Variants in PHLDB2 observed in about 807,000 individuals in gnomAD.
PHLDB2 encodes the protein pleckstrin homology like domain family B member 2.
In PHLDB2, 71 loss-of-function variants were observed where a neutral mutation model predicts 123.6. The observed-to-expected ratio is 0.57, with a 90% CI of 0.47 to 0.70. The LOEUF (loss-of-function observed/expected upper bound fraction) is 0.70. PHLDB2 is among the 30% of genes least tolerant of loss of function. The probability of loss-of-function intolerance (pLI) is 0.00; values close to 1 mark genes in which losing one functional copy is unlikely to be tolerated. For missense variants in PHLDB2, 1,446 were observed against 1,519.5 expected, an observed-to-expected ratio of 0.95 and a Z score of 0.80; for synonymous variants, 547 against 541.6, an observed-to-expected ratio of 1.01 and a Z score of -0.14.
Position 111,884,800 on chromosome 3 carries a change from C to A in PHLDB2, c.723C>A (p.Tyr241Ter). The A allele has an allele frequency of 1.9e-6, 3 of 1,614,078 alleles. No homozygotes were observed. Among genetic ancestry groups the A allele is most frequent in the Non-Finnish European group, 2.5e-6 (3 of 1,180,002 alleles). The change falls in exon 2 of 18, where the codon TAC becomes TAA. Residue 241 changes from tyrosine (Y) to a stop codon, truncating the protein, a stop_gained. Transcript: ENST00000431670. LOFTEE classifies it high-confidence loss of function. Reference sequence around the variant, plus strand: ...ACATCAATTTGAGAACTAGGAAGTACTCCAGCAGCAGCCTGAGTCACATGG... The same window carrying A: ...ACATCAATTTGAGAACTAGGAAGTAATCCAGCAGCAGCCTGAGTCACATGG... ...SENINLRTRKYSSSSLSHMGA... is the reference protein window; with the variant it reads ...SENINLRTRK
intron 1 of PHLDB2, among the ~76,000 whole-genome samples, chr3:111,737,327 G>T (rs13317985): frequency 0.18 from 26,906 of 152,054 alleles, 2,528 homozygotes; most frequent in Admixed American, 0.2. Flanking sequence ...TTTGGTGTTA[G>T]TGTGCATCCT....
intron 1 of PHLDB2, among the ~76,000 whole-genome samples, chr3:111,879,411 G>A (rs1163328470): frequency 1.3e-5 from 2 of 152,102 alleles, no homozygotes; most frequent in African/African-American, 4.8e-5. Flanking sequence ...TGAAAGTATA[G>A]TCTTATATTT....
intron 1 of PHLDB2, among the ~76,000 whole-genome samples, chr3:111,875,124 A>G (rs1410002215): frequency 6.6e-6 from 1 of 152,184 alleles, no homozygotes; most frequent in African/African-American, 2.4e-5. Context: ...TGCAGTCTTC[A>G]ATATTTATAT....
rs55904095 is a variant in PHLDB2, at chr3:111,825,378, G to A, written c.-48-20443G>A. On this transcript the variant is annotated intron_variant, in intron 1 of 17. Coordinates refer to the PHLDB2 transcript ENST00000393923. ...CTCATCTTCTTGAAGACAGATGTAG[G>A]AAAATCATATTGACCATGCTTACAG... Among the ~76,000 whole-genome samples, 1,417 of 152,276 alleles carry A rather than the reference G, an allele frequency of 9.3e-3. 19 individuals carry two copies. The highest frequency in any genetic ancestry group is 0.015 in the Non-Finnish European group (1,043 of 68,026).
upstream of PHLDB2, among the ~76,000 whole-genome samples, chr3:111,855,420 C>T (rs201457344): frequency 1.4e-5 from 2 of 140,436 alleles, no homozygotes; most frequent in East Asian, 2.3e-4. Flanking sequence ...TTCCTTCCTT[C>T]CTTTCTTTCT....
At position 111,975,725 on chromosome 3, in the gene PHLDB2, T is replaced by A. The variant is rs961677972; in HGVS notation, c.*1162T>A. 1 of 152,670 alleles carries A rather than the reference T, an allele frequency of 6.6e-6. No homozygotes were observed. The highest frequency in any genetic ancestry group is 6.5e-5 in the Admixed American group (1 of 15,292). The allele number at this position is 152,670 out of a possible 1,614,324, so 9.5% of individuals were successfully genotyped here. ...AGGCAAGTCTCTTTTATAATGGTTT[T>A]TCAAGTGCCATTTATTCTAGTTTAT... On this transcript the variant is annotated 3_prime_UTR_variant, in exon 18 of 18. Coordinates refer to ENST00000431670, the MANE Select transcript of PHLDB2 (RefSeq NM_001134438.2).
At chr3:111,770,213 A>G (rs1334437257) in intron 1 of PHLDB2, among the ~76,000 whole-genome samples, 1 of 152,036 alleles carries the variant, frequency 6.6e-6, no homozygotes, top group Non-Finnish European at 1.5e-5. Context: ...TCATCAATGT[A>G]TTTTTTCCAG....
intron 1 of PHLDB2, among the ~76,000 whole-genome samples, chr3:111,877,643 T>G (rs2065702062): frequency 6.6e-6 from 1 of 152,232 alleles, no homozygotes; most frequent in African/African-American, 2.4e-5. Flanking sequence ...TCTTTGCCCA[T>G]GCCTATTTCC....
chr3:111,900,621 C>T (rs2067141482), intron 2 of PHLDB2, among the ~76,000 whole-genome samples: 1 of 152,098 alleles, frequency 6.6e-6, no homozygotes, highest in African/African-American at 2.4e-5. Context: ...TGTCAAAGAT[C>T]ACTGATCAGA....
At chr3:111,901,536 G>A (rs557574130) in intron 2 of PHLDB2, among the ~76,000 whole-genome samples, 3,581 of 150,282 alleles carry the variant, frequency 0.024, 61 homozygotes, top group Non-Finnish European at 0.032. Flanking sequence ...ATTTTTTAAA[G>A]GATAGGATAT....
chr3:111,761,469 C>T (rs554746544), intron 1 of PHLDB2, among the ~76,000 whole-genome samples: 2 of 152,266 alleles, frequency 1.3e-5, no homozygotes, highest in South Asian at 2.1e-4. Flanking sequence ...CAAGATGGGA[C>T]GTGAACAAAT....
chr3:111,831,030 A>AAAGAAAGAAAGGAAGG (rs1559855366), intron 1 of PHLDB2, among the ~76,000 whole-genome samples: 1 of 72,010 alleles, frequency 1.4e-5, no homozygotes, highest in Non-Finnish European at 2.9e-5. Flanking sequence ...AGAAAGAAAG[A>AAAGAAAGAAAGGAAGG]AAGGAAGGAA....
chr3:111,959,289 T>TG (rs1442135950), intron 12 of PHLDB2, among the ~76,000 whole-genome samples: 2 of 152,176 alleles, frequency 1.3e-5, no homozygotes, highest in South Asian at 4.1e-4. Context: ...TACCTGTTTT[T>TG]GGGGGATTTG....
chr3:111,966,537 T>G, intron 13 of PHLDB2, 76 bp from the exon 14 acceptor site: 4 of 850,790 alleles, frequency 4.7e-6, no homozygotes, highest in African/African-American at 1.7e-5. Flanking sequence ...GGTGTGTGTG[T>G]GTGTGTGTGT....
chr3:111,970,386 G>A (rs1001290718), intron 16 of PHLDB2, among the ~76,000 whole-genome samples: 4 of 152,120 alleles, frequency 2.6e-5, no homozygotes, highest in African/African-American at 9.7e-5. Flanking sequence ...AAAAGGGGGT[G>A]GGGAGAGGTT....
intron 3 of PHLDB2, chr3:111,914,386 A>G (rs559760563): frequency 1.3e-5 from 2 of 152,282 alleles, no homozygotes; most frequent in African/African-American, 4.8e-5. Flanking sequence ...CTAAAAGACC[A>G]TATTAAAAAA....
chr3:111,966,872 C>A (rs1003329107), intron 14 of PHLDB2, among the ~76,000 whole-genome samples, 169 bp downstream of exon 14: 2 of 152,014 alleles, frequency 1.3e-5, no homozygotes, highest in Non-Finnish European at 2.9e-5. Context: ...TAGATGATTT[C>A]TAAGGCTCTC....
At chr3:111,930,414 T>TTCC (rs960341666) in intron 5 of PHLDB2, among the ~76,000 whole-genome samples, 8 of 149,650 alleles carry the variant, frequency 5.3e-5, no homozygotes, top group Non-Finnish European at 1.0e-4. Context: ...AGTAGTCTTC[T>TTCC]TTTTTAAATT....
At chr3:111,955,144 G>GATATATATATATATATATATAT (rs1553754364) in intron 12 of PHLDB2, among the ~76,000 whole-genome samples, 32 of 145,320 alleles carry the variant, frequency 2.2e-4, no homozygotes, top group African/African-American at 8.1e-4. Flanking sequence ...ATGTATATAT[G>GATATATATATATATATATATAT]ATATATATAT....
Sources: gnomAD v4.1 joint callset for allele counts (sites outside exome capture counted in the v4.1 genomes callset) on GRCh38, gnomAD v4.1.1 for gene constraint, MANE v1.5 for transcripts, NCBI Gene and HGNC (gene_info 2026-07-23, HGNC 2026-07-21) for gene names.